RPS6KA1: variants seen among roughly 807,000 people sequenced by gnomAD.
RPS6KA1 encodes the protein ribosomal protein S6 kinase alpha-1.
A neutral mutation model predicts 91.3 loss-of-function variants in RPS6KA1; 48 were observed. The ratio of observed to expected loss-of-function variants is 0.53; its 90% CI spans 0.42 to 0.67. The LOEUF is 0.67. Among genes scored for constraint, RPS6KA1 ranks in the 30% least tolerant of loss-of-function variants. The probability of loss-of-function intolerance (pLI) is 0.00; values close to 1 mark genes in which losing one functional copy is unlikely to be tolerated. For missense variants in RPS6KA1, 719 were observed against 960.5 expected (o/e 0.75, Z 3.32); for synonymous variants, 359 against 384.7 (o/e 0.93, Z 0.78).
In RPS6KA1 at chr1:26,572,306, G is replaced by T. The variant is rs779564357; in HGVS notation, c.1947+13G>T. On this transcript the variant is annotated intron_variant, in intron 20 of 21. Coordinates refer to ENST00000374168, the MANE Select transcript of RPS6KA1 (RefSeq NM_002953.4). Reference sequence around the variant, plus strand: ...AGAGACAGCCAAGGTGAGTCTGTACGGCCTGCGTGGGCTTATTTGGAGGAG... The same window carrying T: ...AGAGACAGCCAAGGTGAGTCTGTACTGCCTGCGTGGGCTTATTTGGAGGAG... 6 of 1,568,454 alleles carry T rather than the reference G, an allele frequency of 3.8e-6. No individual in the cohort carries two copies. The South Asian group carries it at 6.7e-5, about 17-fold the overall frequency.
At chr1:26,544,959 C>T (rs1163172358) in intron 2 of RPS6KA1, among the ~76,000 whole-genome samples, 1 of 152,156 alleles carries the variant, frequency 6.6e-6, no homozygotes, top group Non-Finnish European at 1.5e-5. Flanking sequence ...TATCTGCCTA[C>T]ACACATTGGG....
rs2076155776 is a variant in RPS6KA1, at chr1:26,561,688, TA to T, written c.1590+26del. 4 of 1,570,932 alleles carry T rather than the reference TA, an allele frequency of 2.5e-6. No homozygotes were observed. The highest frequency in any genetic ancestry group is 3.5e-6 in the Non-Finnish European group (4 of 1,156,330). On this transcript the variant is annotated intron_variant, in intron 17 of 21. Coordinates refer to ENST00000374168, the MANE Select transcript of RPS6KA1 (RefSeq NM_002953.4). This position sits in a 1 kb window ranked among gnomAD's most constrained non-coding sequence, Gnocchi z 5.7. ...GGTGAGTCTGGATTCGGGGAGGCAG[TA>T]GGGGGATGCCAAGGGTCATATCATC...
At chr1:26,556,581 G>A in intron 11 of RPS6KA1, 73 bp from the exon 12 acceptor site, 1 of 1,525,664 alleles carries the variant, frequency 6.6e-7, no homozygotes, top group Middle Eastern at 1.7e-4. Flanking sequence ...GCCCTGTGAG[G>A]CTGCTTGGTG....
chr1:26,572,403 C>A, intron 20 of RPS6KA1, 110 bp downstream of exon 20: 1 of 732,782 alleles, frequency 1.4e-6, no homozygotes. Context: ...GGATGTTCCA[C>A]AAATCCCTGT....
intron 17 of RPS6KA1, among the ~76,000 whole-genome samples, chr1:26,570,081 G>T (rs964028706): frequency 1.3e-5 from 2 of 152,202 alleles, no homozygotes; most frequent in Non-Finnish European, 2.9e-5. Context: ...TCCAGTGGTT[G>T]CCTTGTGGTA....
At chr1:26,556,526 C>A in intron 11 of RPS6KA1, 128 bp from the exon 12 acceptor site, 1 of 902,172 alleles carries the variant, frequency 1.1e-6, no homozygotes, top group South Asian at 1.4e-5. Context: ...AGATTTGAGG[C>A]TGAGTGAGCC....
At position 26,554,451 on chromosome 1, in the gene RPS6KA1, C is replaced by A; in HGVS notation, c.614-145C>A. 1 of 1,218,028 alleles carries A rather than the reference C, an allele frequency of 8.2e-7. No homozygotes were observed. The highest frequency in any genetic ancestry group is 1.2e-6 in the Non-Finnish European group (1 of 857,876). The allele number at this position is 1,218,028 out of a possible 1,614,324, so 75.5% of individuals were successfully genotyped here. A position where few individuals can be genotyped will look rare whatever the true frequency, so the allele number is the denominator to read the frequency against. ...TCATTGTGTAACGTTGAGCAAGTCA[C>A]CTGACCTCTCTGGGCCTTAGCTTCC... On this transcript the variant is annotated intron_variant, in intron 8 of 21. Coordinates refer to ENST00000374168, the MANE Select transcript of RPS6KA1 (RefSeq NM_002953.4). This position sits in a 1 kb window ranked among gnomAD's most constrained non-coding sequence, Gnocchi z 4.6.
chr1:26,567,971 A>G (rs1446783454), intron 17 of RPS6KA1, among the ~76,000 whole-genome samples: 3 of 152,174 alleles, frequency 2.0e-5, no homozygotes, highest in Non-Finnish European at 4.4e-5. Context: ...CCTTCCTGTG[A>G]CTGGAATCCC....
chr1:26,554,110 G>A lies in RPS6KA1; in HGVS notation c.576-104G>A, dbSNP rs970659620. On this transcript the variant is annotated intron_variant, in intron 7 of 21. Coordinates refer to ENST00000374168, the MANE Select transcript of RPS6KA1 (RefSeq NM_002953.4). This position sits in a 1 kb window ranked among gnomAD's most constrained non-coding sequence, Gnocchi z 4.6. ...GCCCAGTCATCAGAGAGAATTGGGT[G>A]GAGCACCTCCTCTGGGCTGAACCCA... 25 of 1,206,598 alleles carry A rather than the reference G, an allele frequency of 2.1e-5. No homozygotes were observed. Among genetic ancestry groups the A allele is most frequent in the Non-Finnish European group, 2.8e-5 (24 of 857,572 alleles). 74.7% of individuals were successfully genotyped at this position (1,206,598 alleles called of 1,614,324 possible). A position where few individuals can be genotyped will look rare whatever the true frequency, so the allele number is the denominator to read the frequency against.
In RPS6KA1 at chr1:26,558,771, C is replaced by T. The variant is rs1314426392; in HGVS notation, c.1085-36C>T. On this transcript the variant is annotated intron_variant, in intron 13 of 21. Transcript: ENST00000374168. The surrounding 1 kb of genome is among the most constrained non-coding windows in gnomAD (Gnocchi z 4.0). ...GCTGCCTCAGGGTCGAGGGGACCTC[C>T]TCAGGTACCCTCACATTCTCCTTCC... The T allele has an allele frequency of 6.3e-7, 1 of 1,580,478 alleles. No homozygotes were observed. Among genetic ancestry groups the T allele is most frequent in the East Asian group, 2.3e-5 (1 of 43,882 alleles).
In RPS6KA1 at chr1:26,560,845, T is replaced by A. The variant is rs1221546233; in HGVS notation, c.1335T>A (p.Ala445=). Residue 445 remains alanine (A), a synonymous_variant, in exon 15 of 22, where the codon GCT becomes GCA. Coordinates refer to ENST00000374168, the MANE Select transcript of RPS6KA1 (RefSeq NM_002953.4). ...ACAAGGCCACCAACATGGAGTATGC[T>A]GTCAAGGTGGGCCTCCTGACCACGT... ...CVHKATNMEY[A]VKVIDKSKRD... 7 of 1,614,184 alleles carry A rather than the reference T, an allele frequency of 4.3e-6. No homozygotes were observed. Among genetic ancestry groups the A allele is most frequent in the Non-Finnish European group, 5.9e-6 (7 of 1,180,024 alleles).
At chr1:26,530,013 C>T in intron 1 of RPS6KA1, 30 bp downstream of exon 1, 1 of 1,308,774 alleles carries the variant, frequency 7.6e-7, no homozygotes, top group South Asian at 1.9e-5. Context: ...GACGGGCGCC[C>T]GCGGCCGGCG....
chr1:26,539,956 C>T (rs149012159), intron 2 of RPS6KA1, among the ~76,000 whole-genome samples: 107 of 152,324 alleles, frequency 7.0e-4, no homozygotes, highest in African/African-American at 2.4e-3. Flanking sequence ...TGATCCCTCC[C>T]GGATCCCTCA....
rs188895950 is a variant in RPS6KA1, at chr1:26,550,628, G to A, written c.308-769G>A. Among the ~76,000 whole-genome samples the A allele has an allele frequency of 3.0e-4, 46 of 152,320 alleles. 1 individual carries two copies. The highest frequency in any genetic ancestry group is 1.1e-3 in the African/African-American group (45 of 41,578). On this transcript the variant is annotated intron_variant, in intron 4 of 21. Coordinates refer to ENST00000374168, the MANE Select transcript of RPS6KA1 (RefSeq NM_002953.4). ...GCCACTGTGCCCGGCCCAAAAGCCT[G>A]TTCTAATCAGACTAGTGAAATCAAT...
At chr1:26,534,935 G>A (rs2075895759) in intron 1 of RPS6KA1, among the ~76,000 whole-genome samples, 1 of 152,210 alleles carries the variant, frequency 6.6e-6, no homozygotes. Context: ...GTACATAGAA[G>A]GTTCTCAGCA....
chr1:26,548,729 G>A (rs1486939207), intron 4 of RPS6KA1, among the ~76,000 whole-genome samples: 1 of 151,840 alleles, frequency 6.6e-6, no homozygotes, highest in East Asian at 1.9e-4. Context: ...AACCCAGGAG[G>A]TGGAGATTGC....
At position 26,574,017 on chromosome 1, in the gene RPS6KA1, A is replaced by G; in HGVS notation, c.2086-62A>G. 6.3e-7 allele frequency: 1 copy of G among 1,575,648 alleles called. No homozygotes were observed. The highest frequency in any genetic ancestry group is 8.7e-7 in the Non-Finnish European group (1 of 1,153,656). On this transcript the variant is annotated intron_variant, in intron 21 of 21. Transcript: ENST00000374168. The surrounding 1 kb of genome is among the most constrained non-coding windows in gnomAD (Gnocchi z 4.3). ...AGAGGGGCTGGCCTACCCTTGGGGC[A>G]TGGATCCCCTCCCCGCTACATCTCC...
chr1:26,560,215 G>C (rs2076142119), intron 14 of RPS6KA1, among the ~76,000 whole-genome samples: 1 of 152,244 alleles, frequency 6.6e-6, no homozygotes, highest in African/African-American at 2.4e-5. Flanking sequence ...GCAGTCACCT[G>C]ATGAAAGTGC....
intron 17 of RPS6KA1, among the ~76,000 whole-genome samples, chr1:26,570,597 G>A (rs962147993): frequency 2.0e-5 from 3 of 152,178 alleles, no homozygotes; most frequent in Admixed American, 6.5e-5. Context: ...GAGGAAAGCC[G>A]TTTGCTTATG....
Sources: allele counts gnomAD v4.1 joint callset (sites outside exome capture counted in the v4.1 genomes callset), GRCh38; gene constraint gnomAD v4.1.1; non-coding constraint Gnocchi (gnomAD v3.1); transcripts MANE v1.5; gene names NCBI Gene and HGNC (gene_info 2026-07-23, HGNC 2026-07-21).